The following DOP1A variants were observed in gnomAD, a reference collection of about 807,000 sequenced individuals.
DOP1A encodes the protein DOP1 leucine zipper like protein A.
A neutral mutation model predicts 267.6 loss-of-function variants in DOP1A; 90 were observed. That is an observed-to-expected ratio of 0.34 (90% confidence interval 0.28 to 0.40). The LOEUF (loss-of-function observed/expected upper bound fraction) is 0.40, where lower values mean the gene tolerates loss of function less well. DOP1A is among the 10% of genes least tolerant of loss of function. The pLI is 1.00. For missense variants in DOP1A, 2,437 were observed against 2,900.4 expected, an observed-to-expected ratio of 0.84 and a Z score of 3.67; for synonymous variants, 932 against 999.1, an observed-to-expected ratio of 0.93 and a Z score of 1.27.
chr6:83,130,119 T>G lies in DOP1A; in HGVS notation c.2342-4T>G. The G allele has an allele frequency of 6.2e-7, 1 of 1,612,660 alleles. No homozygotes were observed. Among genetic ancestry groups the G allele is most frequent in the Non-Finnish European group, 8.5e-7 (1 of 1,179,230 alleles). On this transcript the variant is annotated splice_region_variant and splice_polypyrimidine_tract_variant and intron_variant, in intron 16 of 38. Transcript: ENST00000349129. The stretch of plus-strand genomic sequence containing the variant: ...ACTCTGATTGCTACCATCTTTTGTT[T>G]CAGACTGTGAGCATGTGCAGCCTCC...
intron 16 of DOP1A, among the ~76,000 whole-genome samples, chr6:83,129,723 A>G (rs965997387): frequency 2.2e-4 from 34 of 152,158 alleles, no homozygotes; most frequent in Admixed American, 1.6e-3. Flanking sequence ...TTGCATGCAG[A>G]TAAGTAGGAG....
At chr6:83,154,316 C>G in intron 33 of DOP1A, 75 bp downstream of exon 33, 1 of 1,379,716 alleles carries the variant, frequency 7.2e-7, no homozygotes, top group Non-Finnish European at 1.0e-6. Flanking sequence ...GTACTCTTTT[C>G]TGGAGACTAG....
In DOP1A at chr6:83,138,155, G is replaced by A. The variant is rs1224857313; in HGVS notation, c.4113G>A (p.Leu1371=). 4.3e-6 allele frequency: 7 copies of A among 1,613,918 alleles called. No homozygotes were observed. Among genetic ancestry groups the A allele is most frequent in the Non-Finnish European group, 5.9e-6 (7 of 1,179,902 alleles). ...ATCCTCTCTATCAACATGTGCTCCT[G>A]TATCTCCAGTTGTATGATTCATCCA... is the stretch of plus-strand genomic sequence containing the variant. ...NIHPLYQHVL[L]YLQLYDSSRT... The change falls in exon 21 of 39, where the codon CTG becomes CTA. Residue 1371 remains leucine, a synonymous_variant. Transcript: ENST00000349129.
At chr6:83,116,626 A>G (rs1468032414) in intron 7 of DOP1A, among the ~76,000 whole-genome samples, 1 of 152,164 alleles carries the variant, frequency 6.6e-6, no homozygotes, top group Non-Finnish European at 1.5e-5. Context: ...CCTGGCCAAC[A>G]TGGTGAAACC....
intron 24 of DOP1A, among the ~76,000 whole-genome samples, chr6:83,144,674 C>T (rs998089400): frequency 1.3e-5 from 2 of 151,600 alleles, no homozygotes; most frequent in East Asian, 3.9e-4. Flanking sequence ...TCTTTGTCTT[C>T]CAAAATAAGT....
rs959915660 is a variant in DOP1A at position 83,167,280 on chromosome 6, G to A, written c.7093-582G>A. On this transcript the variant is annotated intron_variant, in intron 38 of 38. Coordinates refer to ENST00000349129, the MANE Select transcript of DOP1A (RefSeq NM_015018.4). ...CAGGTCCAGCTTTCCTCCCTATGTT[G>A]TTTAGCACAACCCAGAAGGAGACAG... 4.1e-6 allele frequency: 4 copies of A among 984,946 alleles called. No homozygotes were observed. The African/African-American group carries it at 5.2e-5, about 13-fold the overall frequency. 61.0% of individuals were successfully genotyped at this position (984,946 alleles called of 1,614,324 possible). A position where few individuals can be genotyped will look rare whatever the true frequency, so the allele number is the denominator to read the frequency against.
chr6:83,078,786 C>T (rs1767579327), intron 1 of DOP1A, among the ~76,000 whole-genome samples: 1 of 152,124 alleles, frequency 6.6e-6, no homozygotes, highest in African/African-American at 2.4e-5. Flanking sequence ...AATAATTAAG[C>T]AATACCTTAT....
chr6:83,093,766 C>G (rs1350783164), intron 1 of DOP1A, among the ~76,000 whole-genome samples: 1 of 152,024 alleles, frequency 6.6e-6, no homozygotes, highest in East Asian at 1.9e-4. Context: ...ATTAGCCAGG[C>G]ATGGTGCCAG....
chr6:83,073,415 G>T (rs1785948718), intron 1 of DOP1A, among the ~76,000 whole-genome samples: 1 of 152,004 alleles, frequency 6.6e-6, no homozygotes, highest in Non-Finnish European at 1.5e-5. Flanking sequence ...CCTGAATGAG[G>T]GGTTCCAGAA....
chr6:83,113,079 A>C (rs568068281), intron 6 of DOP1A, among the ~76,000 whole-genome samples: 2 of 152,270 alleles, frequency 1.3e-5, no homozygotes, highest in South Asian at 2.1e-4. Context: ...GGAAATATTC[A>C]CTAGTAAAAC....
At chr6:83,143,825 C>T (rs1027412038) in intron 24 of DOP1A, among the ~76,000 whole-genome samples, 8 of 152,034 alleles carry the variant, frequency 5.3e-5, no homozygotes, top group African/African-American at 1.9e-4. Context: ...AGAAATAATA[C>T]AATAAAAGTC....
chr6:83,169,329 A>G, downstream of DOP1A: 1 of 1,613,516 alleles, frequency 6.2e-7, no homozygotes, highest in South Asian at 1.1e-5. Flanking sequence ...CTTTCCTGCA[A>G]ATTACATTAA....
intron 1 of DOP1A, among the ~76,000 whole-genome samples, chr6:83,079,466 A>G (rs960137519): frequency 3.9e-5 from 6 of 152,190 alleles, no homozygotes; most frequent in Non-Finnish European, 5.9e-5. Context: ...ATTGGAACAC[A>G]CTAGGAAGTA....
intron 38 of DOP1A, chr6:83,166,482 A>C: frequency 1.4e-6 from 1 of 698,654 alleles, no homozygotes; most frequent in Non-Finnish European, 2.6e-6. Context: ...TTGAACTCAG[A>C]AAATCGCTAA....
At chr6:83,125,815 A>G (rs1020425508) in intron 15 of DOP1A, 82 bp downstream of exon 15, 4 of 1,193,056 alleles carry the variant, frequency 3.4e-6, no homozygotes, top group Non-Finnish European at 4.7e-6. Flanking sequence ...TCACTTATAC[A>G]TAAGCATTTA....
chr6:83,079,632 A>G (rs1255680619), intron 1 of DOP1A, among the ~76,000 whole-genome samples: 4 of 152,144 alleles, frequency 2.6e-5, no homozygotes, highest in Non-Finnish European at 2.9e-5. Context: ...TTTTAAATAT[A>G]TTGGTTAGAT....
At chr6:83,100,659 T>C (rs775377331) in intron 3 of DOP1A, 46 bp from the exon 4 acceptor site, 3 of 1,269,886 alleles carry the variant, frequency 2.4e-6, no homozygotes, top group Non-Finnish European at 3.1e-6. Context: ...GTAAAATGAA[T>C]GCAATATTTT....
chr6:83,095,396 C>T (rs1771292234), intron 1 of DOP1A, among the ~76,000 whole-genome samples: 1 of 151,396 alleles, frequency 6.6e-6, no homozygotes, highest in Non-Finnish European at 1.5e-5. Context: ...TGTTCTTTTG[C>T]ACATGGGATA....
chr6:83,152,190 T>C (rs1781815439), intron 29 of DOP1A, 98 bp from the exon 30 acceptor site: 1 of 724,194 alleles, frequency 1.4e-6, no homozygotes, highest in Non-Finnish European at 2.1e-6. Context: ...TATACATATA[T>C]ATATACATAT....
Sources: allele counts gnomAD v4.1 joint callset (sites outside exome capture counted in the v4.1 genomes callset), GRCh38; gene constraint gnomAD v4.1.1; transcripts MANE v1.5; gene names NCBI Gene and HGNC (gene_info 2026-07-23, HGNC 2026-07-21).